PTPMT1: variants seen among roughly 807,000 people sequenced by gnomAD.
The protein encoded by PTPMT1 is protein tyrosine phosphatase mitochondrial 1, also known as phosphatidylglycerophosphatase and protein-tyrosine phosphatase 1.
Under a neutral mutation model 17.8 loss-of-function variants are expected in PTPMT1, and 12 were observed. That is an observed-to-expected ratio of 0.67 (90% CI 0.43 to 1.09). The LOEUF (loss-of-function observed/expected upper bound fraction) is 1.09. Among genes scored for constraint, PTPMT1 ranks in the 50% least tolerant of loss-of-function variants. The pLI is 0.00. For missense variants in PTPMT1, 262 were observed against 266.0 expected (o/e 0.99, Z 0.10); for synonymous variants, 132 against 116.8 (o/e 1.13, Z -0.84).
intron 2 of PTPMT1, among the ~76,000 whole-genome samples, chr11:47,567,793 C>T (rs1305933120): frequency 6.6e-6 from 1 of 152,012 alleles, no homozygotes; most frequent in Non-Finnish European, 1.5e-5. Flanking sequence ...CTCCTGACCT[C>T]AGGTGATCTG....
At chr11:47,570,687 C>G (rs1281563583) in intron 3 of PTPMT1, among the ~76,000 whole-genome samples, 1 of 152,100 alleles carries the variant, frequency 6.6e-6, no homozygotes, top group East Asian at 1.9e-4. Flanking sequence ...TGGATTCTGC[C>G]TATTAATGTG....
chr11:47,568,983 G>A (rs1035842970), intron 2 of PTPMT1, among the ~76,000 whole-genome samples: 3 of 151,708 alleles, frequency 2.0e-5, no homozygotes, highest in African/African-American at 7.3e-5. Flanking sequence ...GAGCCACCAT[G>A]CCCGGCCAAA....
intron 3 of PTPMT1, among the ~76,000 whole-genome samples, chr11:47,570,322 G>T (rs2097248883): frequency 1.3e-5 from 2 of 152,202 alleles, no homozygotes; most frequent in South Asian, 4.1e-4. Context: ...GAGGTGGTTT[G>T]GTATGATGGA....
chr11:47,566,489 CAAA>C (rs56146877), intron 2 of PTPMT1, among the ~76,000 whole-genome samples: 3 of 120,536 alleles, frequency 2.5e-5, no homozygotes, highest in African/African-American at 3.1e-5. Context: ...AACAATGTCT[CAAA>C]AAAAAAAAAA....
At position 47,565,660 on chromosome 11, in the gene PTPMT1, GGGT is replaced by G; in HGVS notation, c.40_42del (p.Val14del). 7.2e-7 allele frequency: 1 copy of G among 1,385,992 alleles called. No homozygotes were observed. The highest frequency in any genetic ancestry group is 9.3e-7 in the Non-Finnish European group (1 of 1,070,584). 85.9% of individuals were successfully genotyped at this position (1,385,992 alleles called of 1,614,324 possible). On this transcript the variant is annotated inframe_deletion, in exon 1 of 4. Transcript: ENST00000326674. ...GCGCTGCTGGAGGCCGGCCTGGCGC[GGGT>G]GCTCTTCTACCCGACGCTGCTCTAC...
chr11:47,569,816 G>T lies in PTPMT1; in HGVS notation c.372G>T (p.Leu124=). 1 of 1,614,060 alleles carries T rather than the reference G, an allele frequency of 6.2e-7. No homozygotes were observed. The highest frequency in any genetic ancestry group is 8.5e-7 in the Non-Finnish European group (1 of 1,180,006). ...GVQFALKYQS[L]GQCVYVHCKA... ...AATTTGCTCTCAAGTACCAGTCGCT[G>T]GGCCAGTGTGTTTACGTGCATTGTA... The change falls in exon 3 of 4, where the codon CTG becomes CTT. Residue 124 remains leucine (L), a synonymous_variant. Coordinates refer to ENST00000326674, the MANE Select transcript of PTPMT1 (RefSeq NM_175732.3).
intron 3 of PTPMT1, among the ~76,000 whole-genome samples, 159 bp from the exon 4 acceptor site, chr11:47,571,312 C>G (rs2097249527): frequency 6.6e-6 from 1 of 152,204 alleles, no homozygotes; most frequent in South Asian, 2.1e-4. Context: ...TTACAGTACT[C>G]TCCCATTTAT....
intron 3 of PTPMT1, among the ~76,000 whole-genome samples, chr11:47,570,636 G>C (rs2097249110): frequency 1.3e-5 from 2 of 152,156 alleles, no homozygotes; most frequent in South Asian, 2.1e-4. Flanking sequence ...GTATTCCAGA[G>C]TAAAGTTCTG....
At chr11:47,567,559 C>CTTT (rs370022255) in intron 2 of PTPMT1, among the ~76,000 whole-genome samples, 35 of 116,164 alleles carry the variant, frequency 3.0e-4, no homozygotes, top group South Asian at 6.4e-4. Context: ...TATTTCTTTT[C>CTTT]TTTTTTTTTT....
Position 47,565,927 on chromosome 11 carries a change from C to A in PTPMT1, c.196C>A (p.Arg66Ser), listed in dbSNP as rs762763939. 1 of 1,610,992 alleles carries A rather than the reference C, an allele frequency of 6.2e-7. No homozygotes were observed. Among genetic ancestry groups the A allele is most frequent in the Admixed American group, 1.7e-5 (1 of 59,494 alleles). Residue 66 changes from arginine (R) to serine (S), a missense_variant, in exon 2 of 4, where the codon CGC (arginine) becomes AGC (serine). Arg to Ser is a moderately radical substitution (Grantham distance 110, BLOSUM62 -1). Transcript: ENST00000326674. ...TRQLVQDENV[R>S]GVITMNEEYE... ...GCAGCTGGTACAGGACGAGAACGTG[C>A]GCGGGGTGATCACCATGAACGAGGA... is the stretch of plus-strand genomic sequence containing the variant.
intron 2 of PTPMT1, among the ~76,000 whole-genome samples, chr11:47,567,385 G>C (rs1312425561): frequency 6.6e-6 from 1 of 150,438 alleles, no homozygotes; most frequent in Non-Finnish European, 1.5e-5. Context: ...CAGCCTGGGC[G>C]ACAGAGTGAG....
At position 47,572,954 on chromosome 11, in the gene PTPMT1, G is replaced by T. The variant is rs913251129; in HGVS notation, c.*1325G>T. On this transcript the variant is annotated 3_prime_UTR_variant, in exon 4 of 4. Coordinates refer to ENST00000326674, the MANE Select transcript of PTPMT1 (RefSeq NM_175732.3). ...CTTAGGCCAACACAAACTGCAAATT[G>T]GTAAGCAGCACCTTAATACCTCTTG... 1.9e-6 allele frequency: 3 copies of T among 1,613,878 alleles called. No individual in the cohort carries two copies. The Admixed American group carries it at 5.0e-5, about 27-fold the overall frequency.
rs777822290 is a variant in PTPMT1, at chr11:47,573,067, C to T, written c.*1438C>T. 4 of 1,614,038 alleles carry T rather than the reference C, an allele frequency of 2.5e-6. No individual in the cohort carries two copies. Among genetic ancestry groups the T allele is most frequent in the Admixed American group, 1.7e-5 (1 of 59,998 alleles). On this transcript the variant is annotated 3_prime_UTR_variant, in exon 4 of 4. Coordinates refer to ENST00000326674, the MANE Select transcript of PTPMT1 (RefSeq NM_175732.3). This position sits in a 1 kb window ranked among gnomAD's most constrained non-coding sequence, Gnocchi z 4.1. ...CGGTCCCGGAAGACATAGATGCTCC[C>T]GTTACAGCTGGCAATCTTCCAGAGG...
Position 47,571,476 on chromosome 11 carries a change from C to T in PTPMT1, c.453C>T (p.His151=), listed in dbSNP as rs1468153749. ...TTCCCAACCCTGTACTTCAGGTGCA[C>T]AAATGGAGTCCAGAGGAGGCTGTAA... ...TMVAAYLIQV[H]KWSPEEAVRA... Residue 151 remains histidine (H), a synonymous_variant, in exon 4 of 4, where the codon CAC becomes CAT. Coordinates refer to ENST00000326674, the MANE Select transcript of PTPMT1 (RefSeq NM_175732.3). 3.1e-6 allele frequency: 5 copies of T among 1,613,756 alleles called. No individual in the cohort carries two copies. Among genetic ancestry groups the T allele is most frequent in the Admixed American group, 1.7e-5 (1 of 59,928 alleles).
Position 47,569,861 on chromosome 11 carries a change from T to C in PTPMT1, c.417T>C (p.Ser139=). The C allele has an allele frequency of 6.2e-7, 1 of 1,613,422 alleles. No homozygotes were observed. The highest frequency in any genetic ancestry group is 8.5e-7 in the Non-Finnish European group (1 of 1,179,922). The stretch of plus-strand genomic sequence containing the variant: ...ATTGTAAGGCTGGGCGCTCCAGGAG[T>C]GCCACTATGGTGGCAGCATACCTGA... ...YVHCKAGRSR[S]ATMVAAYLIQ... The change falls in exon 3 of 4, where the codon AGT becomes AGC. Residue 139 remains serine, a synonymous_variant. Coordinates refer to ENST00000326674, the MANE Select transcript of PTPMT1 (RefSeq NM_175732.3).
Position 47,572,796 on chromosome 11 carries a change from T to G in PTPMT1, c.*1167T>G. 1.1e-6 allele frequency: 1 copy of G among 929,672 alleles called. No individual in the cohort carries two copies. The highest frequency in any genetic ancestry group is 1.6e-6 in the Non-Finnish European group (1 of 626,892). The allele number at this position is 929,672 out of a possible 1,614,324, so 57.6% of individuals were successfully genotyped here. On this transcript the variant is annotated 3_prime_UTR_variant, in exon 4 of 4. Transcript: ENST00000326674. ...GCCCCAAACAGAACACCTCCATGGA[T>G]TCAGGGAAGGGCTGAGGCACTGCCT...
chr11:47,569,013 G>A (rs755061409), intron 2 of PTPMT1, among the ~76,000 whole-genome samples: 5 of 151,972 alleles, frequency 3.3e-5, no homozygotes, highest in Non-Finnish European at 7.4e-5. Flanking sequence ...TAAGACGTTT[G>A]CAGCTGAATT....
At chr11:47,571,447 T>C (rs1325303394) in intron 3 of PTPMT1, 24 bp from the exon 4 acceptor site, 1 of 1,610,326 alleles carries the variant, frequency 6.2e-7, no homozygotes. Context: ...CTTTCTCTGC[T>C]GATTTCCCAA....
chr11:47,570,660 G>A (rs2097249135), intron 3 of PTPMT1, among the ~76,000 whole-genome samples: 2 of 152,126 alleles, frequency 1.3e-5, no homozygotes. Flanking sequence ...ATTAGTTTCT[G>A]GAAACAGGCT....
Sources: gnomAD v4.1 joint callset for allele counts (sites outside exome capture counted in the v4.1 genomes callset) on GRCh38, gnomAD v4.1.1 for gene constraint, Gnocchi (gnomAD v3.1) non-coding constraint, MANE v1.5 for transcripts, NCBI Gene and HGNC (gene_info 2026-07-23, HGNC 2026-07-21) for gene names.